The following SULF1 variants were observed in gnomAD, a reference collection of about 807,000 sequenced individuals.
SULF1 encodes the protein extracellular sulfatase Sulf-1.
SULF1 carries 46 observed loss-of-function variants against 110.5 expected under a neutral mutation model. The observed-to-expected ratio is 0.42, with a 90% CI of 0.33 to 0.53. The LOEUF is 0.53. Among genes scored for constraint, SULF1 ranks in the 20% least tolerant of loss-of-function variants. The probability of loss-of-function intolerance (pLI) is 0.12; values close to 1 mark genes in which losing one functional copy is unlikely to be tolerated. For synonymous variants in SULF1, 371 were observed against 387.1 expected (o/e 0.96, Z 0.49); for missense variants, 941 against 1,094.2 (o/e 0.86, Z 1.98).
At chr8:69,623,107 C>A (rs1809741770) in intron 14 of SULF1, among the ~76,000 whole-genome samples, 1 of 152,178 alleles carries the variant, frequency 6.6e-6, no homozygotes, top group Admixed American at 6.5e-5. Flanking sequence ...TCCATAGTCA[C>A]CAGAAAGCAT....
chr8:69,614,533 G>T (rs567773601), intron 13 of SULF1, among the ~76,000 whole-genome samples: 2 of 152,232 alleles, frequency 1.3e-5, no homozygotes, highest in Non-Finnish European at 2.9e-5. Flanking sequence ...TTTGAAATGC[G>T]TTTGACATAT....
chr8:69,580,330 T>G (rs1420797504), intron 6 of SULF1, among the ~76,000 whole-genome samples: 1 of 152,152 alleles, frequency 6.6e-6, no homozygotes, highest in Non-Finnish European at 1.5e-5. Flanking sequence ...TAACTTAAAT[T>G]TATTATGAGG....
rs1359896073 is a variant in SULF1, at chr8:69,568,755, AGC to A, written c.172+4609_172+4610del. Among the ~76,000 whole-genome samples the A allele has an allele frequency of 4.6e-5, 7 of 152,320 alleles. No homozygotes were observed. In the South Asian group the frequency reaches 6.2e-4, roughly 14 times the overall value. ...TGGGTGGAAGATTTACAATTTTTTA[AGC>A]TAAGTAAACACGCAAGGAAGTGATC... On this transcript the variant is annotated intron_variant, in intron 5 of 22. Transcript: ENST00000402687.
At chr8:69,588,108 T>G (rs1267302249) in intron 7 of SULF1, among the ~76,000 whole-genome samples, 2 of 152,238 alleles carry the variant, frequency 1.3e-5, no homozygotes, top group African/African-American at 4.8e-5. Flanking sequence ...AAGTTTATAC[T>G]GGAGCTCCAA....
At chr8:69,585,605 T>C (rs954568907) in intron 6 of SULF1, among the ~76,000 whole-genome samples, 3 of 152,214 alleles carry the variant, frequency 2.0e-5, no homozygotes, top group Admixed American at 6.5e-5. Context: ...GTTATAAATG[T>C]GAAGGCCTTC....
chr8:69,655,732 C>T (rs2130750114), intron 22 of SULF1, among the ~76,000 whole-genome samples: 1 of 152,286 alleles, frequency 6.6e-6, no homozygotes, highest in South Asian at 2.1e-4. Flanking sequence ...CTTATTTAAC[C>T]TTTCATTATC....
intron 22 of SULF1, among the ~76,000 whole-genome samples, chr8:69,648,411 A>T (rs951032769): frequency 2.0e-5 from 3 of 152,188 alleles, no homozygotes; most frequent in Non-Finnish European, 2.9e-5. Flanking sequence ...GGTGAAATTC[A>T]ATTTGCTACT....
intron 3 of SULF1, among the ~76,000 whole-genome samples, chr8:69,527,105 T>A (rs1349992068): frequency 6.6e-6 from 1 of 152,170 alleles, no homozygotes; most frequent in Admixed American, 6.5e-5. Context: ...CCCTTCCGGT[T>A]TGCTGATAGC....
In SULF1 at chr8:69,621,015, T is replaced by G; in HGVS notation, c.1378-20T>G. 4 of 1,581,650 alleles carry G rather than the reference T, an allele frequency of 2.5e-6. No individual in the cohort carries two copies. The highest frequency in any genetic ancestry group is 3.5e-6 in the Non-Finnish European group (4 of 1,156,796). On this transcript the variant is annotated intron_variant, in intron 13 of 22. Coordinates refer to ENST00000402687, the MANE Select transcript of SULF1 (RefSeq NM_001128205.2). ...ACCTGGAGCAGAATCGGTAAACTGC[T>G]TTCACGTTGGCTTTTGCAGAAGTGG...
intron 14 of SULF1, 101 bp from the exon 15 acceptor site, chr8:69,623,841 G>A (rs1563599403): frequency 2.8e-6 from 4 of 1,405,146 alleles, no homozygotes; most frequent in Non-Finnish European, 3.9e-6. Context: ...AGCATGGACT[G>A]CTTTCTCCAC....
rs146556179 is a variant in SULF1, at chr8:69,537,908, T to C, written c.-133-25631T>C. On this transcript the variant is annotated intron_variant, in intron 3 of 22. Coordinates refer to ENST00000402687, the MANE Select transcript of SULF1 (RefSeq NM_001128205.2). Reference sequence around the variant, plus strand: ...AAAAGAGAAAACAGAAAAATAAAAATAGAATAGAAAATTGAAAAAAAAGTA... The same window carrying C: ...AAAAGAGAAAACAGAAAAATAAAAACAGAATAGAAAATTGAAAAAAAAGTA... 4.8e-3 allele frequency among the ~76,000 whole-genome samples: 596 copies of C among 124,898 alleles called. 5 individuals are homozygous for C. The highest frequency in any genetic ancestry group is 0.017 in the African/African-American group (574 of 33,804). The allele number at this position is 124,898 out of a possible 152,430, so 81.9% of individuals were successfully genotyped here. A position where few individuals can be genotyped will look rare whatever the true frequency, so the allele number is the denominator to read the frequency against.
At chr8:69,624,390 G>A (rs552333416) in intron 15 of SULF1, among the ~76,000 whole-genome samples, 193 bp downstream of exon 15, 5 of 152,322 alleles carry the variant, frequency 3.3e-5, no homozygotes, top group African/African-American at 1.2e-4. Flanking sequence ...CACATGCTTT[G>A]GGTTTGATTT....
At chr8:69,549,250 T>C (rs1273540353) in intron 3 of SULF1, among the ~76,000 whole-genome samples, 1 of 152,214 alleles carries the variant, frequency 6.6e-6, no homozygotes, top group Admixed American at 6.5e-5. Flanking sequence ...TTTTTTGTTG[T>C]GAGCTTTAAA....
chr8:69,552,496 G>A (rs544965906), intron 3 of SULF1, among the ~76,000 whole-genome samples: 3 of 152,152 alleles, frequency 2.0e-5, no homozygotes, highest in Non-Finnish European at 4.4e-5. Flanking sequence ...TTCTGATTTG[G>A]ATTTAGTCCA....
intron 15 of SULF1, among the ~76,000 whole-genome samples, chr8:69,624,517 T>C (rs1454739176): frequency 6.6e-6 from 1 of 152,212 alleles, no homozygotes; most frequent in Non-Finnish European, 1.5e-5. Context: ...ATGGAGTTCA[T>C]GAGCCTAAGC....
rs1448775704 is a variant in SULF1 at position 69,589,055 on chromosome 8, G to A, written c.648G>A (p.Met216Ile). The change falls in exon 8 of 23, where the codon ATG becomes ATA. Residue 216 changes from methionine to isoleucine, a missense_variant. Coordinates refer to ENST00000402687, the MANE Select transcript of SULF1 (RefSeq NM_001128205.2). ...SKRMYPHRPV[M>I]MVISHAAPHG... ...GAATGTATCCCCATAGGCCCGTTAT[G>A]ATGGTGATCAGCCACGCTGCGCCCC... 6.2e-7 allele frequency: 1 copy of A among 1,614,190 alleles called. No individual in the cohort carries two copies. Among genetic ancestry groups the A allele is most frequent in the South Asian group, 1.1e-5 (1 of 91,090 alleles).
At chr8:69,534,900 T>C (rs1285433199) in intron 3 of SULF1, among the ~76,000 whole-genome samples, 1 of 152,086 alleles carries the variant, frequency 6.6e-6, no homozygotes, top group Non-Finnish European at 1.5e-5. Context: ...AAGAGAGTAC[T>C]GTTTTGATAT....
intron 9 of SULF1, 38 bp from the exon 10 acceptor site, chr8:69,601,616 C>T (rs1432765385): frequency 2.6e-6 from 4 of 1,554,976 alleles, no homozygotes; most frequent in South Asian, 2.4e-5. Context: ...CTTATACCAG[C>T]ACAATTGATT....
At chr8:69,573,681 A>G (rs1805402946) in intron 5 of SULF1, among the ~76,000 whole-genome samples, 2 of 152,218 alleles carry the variant, frequency 1.3e-5, no homozygotes, top group Non-Finnish European at 2.9e-5. Flanking sequence ...AGAAATCTTC[A>G]GTGTCACCTT....
Sources: gnomAD v4.1 joint callset for allele counts (sites outside exome capture counted in the v4.1 genomes callset) on GRCh38, gnomAD v4.1.1 for gene constraint, MANE v1.5 for transcripts, NCBI Gene and HGNC (gene_info 2026-07-23, HGNC 2026-07-21) for gene names.